The following CRB1 variants were observed in gnomAD, a reference collection of about 807,000 sequenced individuals.
CRB1 encodes the protein protein crumbs homolog 1.
A neutral mutation model predicts 120.0 loss-of-function variants in CRB1; 83 were observed. The observed-to-expected ratio is 0.69, with a 90% confidence interval of 0.58 to 0.83. The LOEUF (loss-of-function observed/expected upper bound fraction) is 0.83. Ranked by LOEUF, CRB1 falls within the 40% of genes least tolerant of loss-of-function variation. The pLI, the probability that CRB1 is intolerant of heterozygous loss-of-function variation, is 0.00. For missense variants in CRB1, 1,699 were observed against 1,687.6 expected (o/e 1.01, Z -0.12); for synonymous variants, 625 against 612.5 (o/e 1.02, Z -0.30).
chr1:197,229,054 A>G, the CRB1 span, among the ~76,000 whole-genome samples: 1 of 152,174 alleles, frequency 6.6e-6, no homozygotes, highest in East Asian at 1.9e-4. Flanking sequence ...GTACAATTCA[A>G]GATGAGATTT....
rs75007779 is a variant in CRB1 at position 197,424,575 on chromosome 1, T to A, written c.2128+2619T>A. 7.1e-4 allele frequency among the ~76,000 whole-genome samples: 108 copies of A among 152,302 alleles called. No individual in the cohort carries two copies. The East Asian group carries it at 0.02, about 28-fold the overall frequency. ...TGTCTGTATGTGCTGGATGATACAG[T>A]GACACACAGGGCCATAACCTCCCTT... On this transcript the variant is annotated intron_variant, in intron 6 of 11. Transcript: ENST00000367400.
chr1:197,265,454 C>G (rs2125191336), upstream of CRB1, among the ~76,000 whole-genome samples: 1 of 151,752 alleles, frequency 6.6e-6, no homozygotes, highest in Middle Eastern at 3.4e-3. Flanking sequence ...CTTTCTCTCT[C>G]TGTCTTTCCA....
At chr1:197,323,884 A>G (rs1007486450) in intron 1 of CRB1, among the ~76,000 whole-genome samples, 1 of 152,156 alleles carries the variant, frequency 6.6e-6, no homozygotes, top group African/African-American at 2.4e-5. Context: ...GGATGCTTTG[A>G]GAGAAAAAGA....
chr1:197,412,581 C>A (rs938064699), intron 5 of CRB1, among the ~76,000 whole-genome samples: 1 of 152,166 alleles, frequency 6.6e-6, no homozygotes, highest in African/African-American at 2.4e-5. Context: ...GATCAGAACC[C>A]TGAATATGTT....
At chr1:197,282,773 A>G (rs72740511) in intron 1 of CRB1, among the ~76,000 whole-genome samples, 76 of 151,988 alleles carry the variant, frequency 5.0e-4, no homozygotes, top group Middle Eastern at 3.4e-3. Context: ...TATGTTCTCA[A>G]TGTCTCTCAC....
chr1:197,366,329 A>G (rs1232993947), intron 5 of CRB1, among the ~76,000 whole-genome samples: 1 of 152,100 alleles, frequency 6.6e-6, no homozygotes, highest in African/African-American at 2.4e-5. Context: ...ATTGGTTGTT[A>G]GATTAAAATA....
intron 11 of CRB1, among the ~76,000 whole-genome samples, chr1:197,457,762 A>C (rs10494753): frequency 0.92 from 140,512 of 152,194 alleles, 65,928 homozygotes; most frequent in Non-Finnish European, 1. Flanking sequence ...GAAGAACAAA[A>C]AGCACATTTC....
At chr1:197,211,883 A>G in the CRB1 span, among the ~76,000 whole-genome samples, 1 of 152,118 alleles carries the variant, frequency 6.6e-6, no homozygotes, top group African/African-American at 2.4e-5. Context: ...TGGCAAGCAT[A>G]TATCTGGCAA....
intron 5 of CRB1, among the ~76,000 whole-genome samples, chr1:197,380,636 G>A (rs913374619): frequency 2.6e-5 from 4 of 152,172 alleles, no homozygotes; most frequent in African/African-American, 9.7e-5. Context: ...AGAGACACAA[G>A]CACCAAGCTG....
intron 5 of CRB1, among the ~76,000 whole-genome samples, chr1:197,420,260 A>G (rs1192394445): frequency 6.6e-6 from 1 of 152,236 alleles, no homozygotes; most frequent in Admixed American, 6.5e-5. Flanking sequence ...AGCCACGCTT[A>G]TTAAAAGGTG....
chr1:197,453,864 AATATTATTAATAATAT>A (rs1203173690), intron 11 of CRB1, among the ~76,000 whole-genome samples: 11 of 138,512 alleles, frequency 7.9e-5, no homozygotes, highest in African/African-American at 2.4e-4. Flanking sequence ...AATATATATT[AATATTATTAATAATAT>A]ATATTATTAA....
chr1:197,288,725 G>C (rs73069833), intron 1 of CRB1, among the ~76,000 whole-genome samples: 1 of 151,598 alleles, frequency 6.6e-6, no homozygotes, highest in East Asian at 1.9e-4. Flanking sequence ...CAAATTAGAC[G>C]TTGAAGGGAA....
chr1:197,311,362 T>C (rs1657507269), intron 1 of CRB1, among the ~76,000 whole-genome samples: 1 of 152,184 alleles, frequency 6.6e-6, no homozygotes, highest in Non-Finnish European at 1.5e-5. Flanking sequence ...TAGAATAGAA[T>C]GGTGATTACC....
chr1:197,435,681 G>A, intron 9 of CRB1, 69 bp downstream of exon 9: 5 of 1,369,936 alleles, frequency 3.6e-6, no homozygotes, highest in Middle Eastern at 1.8e-4. Flanking sequence ...TTGTCAAATT[G>A]GAAAGCTCTC....
rs545881460 is a variant in CRB1 at position 197,408,343 on chromosome 1, AAG to A, written c.1172-12647_1172-12646del. On this transcript the variant is annotated intron_variant, in intron 5 of 11. Transcript: ENST00000367400. ...GAAAGTTGGGATTTTGAAAAAACGAAAGAGAGAGAGAAAACTTTGAATGTGTT... is the reference window on the plus strand; with the variant it reads ...GAAAGTTGGGATTTTGAAAAAACGAAAGAGAGAGAAAACTTTGAATGTGTT... Among the ~76,000 whole-genome samples the A allele has an allele frequency of 6.1e-4, 93 of 152,278 alleles. 1 individual carries two copies. The East Asian group carries it at 6.9e-3, about 11-fold the overall frequency.
chr1:197,342,628 C>A (rs1048385179), intron 2 of CRB1, among the ~76,000 whole-genome samples: 4 of 151,918 alleles, frequency 2.6e-5, no homozygotes, highest in Admixed American at 1.3e-4. Flanking sequence ...TTTTATACTC[C>A]CAGTAATGTC....
intron 5 of CRB1, among the ~76,000 whole-genome samples, chr1:197,389,302 A>T (rs1331541675): frequency 2.0e-5 from 3 of 152,322 alleles, no homozygotes; most frequent in Non-Finnish European, 4.4e-5. Flanking sequence ...AATATGATAT[A>T]TATGGTATGA....
chr1:197,390,380 G>A (rs1029942289), intron 5 of CRB1, among the ~76,000 whole-genome samples: 2 of 152,040 alleles, frequency 1.3e-5, no homozygotes, highest in African/African-American at 4.8e-5. Context: ...ATATGCCCTC[G>A]CTTAGTGCCA....
At position 197,297,760 on chromosome 1, in the gene CRB1, T is replaced by A. The variant is rs199997727; in HGVS notation, c.70+29278T>A. 3.3e-5 allele frequency among the ~76,000 whole-genome samples: 5 copies of A among 151,244 alleles called. No individual in the cohort carries two copies. The East Asian group carries it at 7.8e-4, about 24-fold the overall frequency. The stretch of plus-strand genomic sequence containing the variant: ...TAAATGACAACTGAGAAAAGAGAAT[T>A]CACAAAGGAGCCTATAGAACTTAGA... On this transcript the variant is annotated intron_variant, in intron 1 of 11. Transcript: ENST00000367400.
Sources: gnomAD v4.1 joint callset for allele counts (sites outside exome capture counted in the v4.1 genomes callset) on GRCh38, gnomAD v4.1.1 for gene constraint, MANE v1.5 for transcripts, NCBI Gene and HGNC (gene_info 2026-07-23, HGNC 2026-07-21) for gene names.